SMYD3: variants seen among roughly 807,000 people sequenced by gnomAD.
SMYD3 encodes the protein SET and MYND domain containing 3.
SMYD3 carries 36 observed loss-of-function variants against 57.7 expected under a neutral mutation model. The observed-to-expected ratio is 0.62, with a 90% CI of 0.48 to 0.82. The LOEUF is 0.82. Ranked by LOEUF, SMYD3 falls within the 40% of genes least tolerant of loss-of-function variation. The pLI is 0.00. For synonymous variants in SMYD3, 211 were observed against 195.0 expected, an observed-to-expected ratio of 1.08 and a Z score of -0.68; for missense variants, 515 against 538.8, an observed-to-expected ratio of 0.96 and a Z score of 0.44.
chr1:246,345,916 C>A (rs1275759748), intron 2 of SMYD3, among the ~76,000 whole-genome samples: 1 of 152,160 alleles, frequency 6.6e-6, no homozygotes, highest in Non-Finnish European at 1.5e-5. Flanking sequence ...ACTAGCCAAT[C>A]CTAAACTGAG....
At chr1:246,007,557 C>G (rs904565024) in intron 5 of SMYD3, among the ~76,000 whole-genome samples, 3 of 151,980 alleles carry the variant, frequency 2.0e-5, no homozygotes, top group African/African-American at 7.3e-5. Context: ...CATCTGTAAT[C>G]CCAGTATTTC....
At chr1:246,313,491 A>C (rs2065112014) in intron 5 of SMYD3, among the ~76,000 whole-genome samples, 1 of 152,216 alleles carries the variant, frequency 6.6e-6, no homozygotes, top group Non-Finnish European at 1.5e-5. Context: ...GGATATTTTT[A>C]ATTCTGATCC....
chr1:246,323,091 G>C (rs138392034), intron 5 of SMYD3, among the ~76,000 whole-genome samples: 1 of 152,104 alleles, frequency 6.6e-6, no homozygotes, highest in African/African-American at 2.4e-5. Context: ...TGAAATTTAC[G>C]TCAGTTTCCA....
At chr1:245,915,367 C>T (rs1291352983) in intron 8 of SMYD3, among the ~76,000 whole-genome samples, 163 bp downstream of exon 8, 1 of 152,150 alleles carries the variant, frequency 6.6e-6, no homozygotes, top group Non-Finnish European at 1.5e-5. Flanking sequence ...ACAAAAGTTC[C>T]AGGAAACAAA....
At chr1:246,141,250 A>G (rs1035887306) in intron 5 of SMYD3, among the ~76,000 whole-genome samples, 1 of 152,154 alleles carries the variant, frequency 6.6e-6, no homozygotes, top group Non-Finnish European at 1.5e-5. Flanking sequence ...CTAACAACCC[A>G]TACTGAACTC....
chr1:246,144,120 C>G (rs922681265), intron 5 of SMYD3, among the ~76,000 whole-genome samples: 14 of 152,188 alleles, frequency 9.2e-5, no homozygotes, highest in African/African-American at 3.4e-4. Context: ...CGGACAGCCT[C>G]CCTGTCGAGC....
intron 5 of SMYD3, among the ~76,000 whole-genome samples, chr1:246,120,851 G>A (rs1222824734): frequency 6.6e-6 from 1 of 152,120 alleles, no homozygotes; most frequent in African/African-American, 2.4e-5. Flanking sequence ...ATCCAGAAGG[G>A]CAGGGAGCAC....
intron 1 of SMYD3, among the ~76,000 whole-genome samples, chr1:246,441,187 A>G (rs990872240): frequency 6.6e-6 from 1 of 152,212 alleles, no homozygotes; most frequent in Admixed American, 6.5e-5. Flanking sequence ...GAAGATCTCT[A>G]ATGAGTAATA....
intron 5 of SMYD3, among the ~76,000 whole-genome samples, chr1:246,018,199 CTT>C (rs1491092000): frequency 1.4e-4 from 22 of 152,310 alleles, no homozygotes; most frequent in Admixed American, 7.8e-4. Flanking sequence ...CTACACAGCT[CTT>C]TCTCTCTGTG....
chr1:246,229,402 T>C (rs972310169), intron 5 of SMYD3, among the ~76,000 whole-genome samples: 4 of 152,236 alleles, frequency 2.6e-5, no homozygotes, highest in South Asian at 2.1e-4. Flanking sequence ...CTACCTGCCA[T>C]TGAACAAAAT....
At chr1:245,882,616 C>T (rs553060611) in intron 8 of SMYD3, among the ~76,000 whole-genome samples, 3 of 152,048 alleles carry the variant, frequency 2.0e-5, no homozygotes, top group African/African-American at 7.3e-5. Context: ...TAAATAAATG[C>T]ACTAGTGTAC....
intron 10 of SMYD3, among the ~76,000 whole-genome samples, chr1:245,846,998 T>G (rs2050699192): frequency 6.6e-6 from 1 of 152,166 alleles, no homozygotes; most frequent in African/African-American, 2.4e-5. Flanking sequence ...CTGTCTCCAC[T>G]CCTCTCACTA....
At chr1:246,023,293 T>C (rs762763188) in intron 5 of SMYD3, among the ~76,000 whole-genome samples, 5 of 152,228 alleles carry the variant, frequency 3.3e-5, no homozygotes, top group African/African-American at 4.8e-5. Flanking sequence ...GGAATGTCTG[T>C]CTGTGCATAA....
intron 3 of SMYD3, among the ~76,000 whole-genome samples, chr1:246,332,132 G>GA (rs1203659190): frequency 6.6e-6 from 1 of 152,092 alleles, no homozygotes; most frequent in Admixed American, 6.5e-5. Context: ...TCAAAAGCTA[G>GA]AAAAATGAGT....
At chr1:245,872,616 A>C (rs1157509866) in intron 8 of SMYD3, among the ~76,000 whole-genome samples, 2 of 152,216 alleles carry the variant, frequency 1.3e-5, no homozygotes, top group Non-Finnish European at 2.9e-5. Flanking sequence ...GAGGAGAAGA[A>C]GTCATCAAAC....
At chr1:246,474,147 CT>C (rs1436722500) in intron 1 of SMYD3, among the ~76,000 whole-genome samples, 1 of 152,148 alleles carries the variant, frequency 6.6e-6, no homozygotes, top group Non-Finnish European at 1.5e-5. Flanking sequence ...GTGTTTTCAG[CT>C]TTTACCTAAA....
At chr1:245,882,823 A>G (rs1179149993) in intron 8 of SMYD3, among the ~76,000 whole-genome samples, 1 of 152,238 alleles carries the variant, frequency 6.6e-6, no homozygotes, top group African/African-American at 2.4e-5. Flanking sequence ...AGCATACTTC[A>G]CTGAAAGGCT....
rs183416801 is a variant in SMYD3, at chr1:246,277,483, C to A, written c.531+49718G>T. 1.9e-4 allele frequency among the ~76,000 whole-genome samples: 29 copies of A among 152,268 alleles called. No homozygotes were observed. The East Asian group carries it at 5.2e-3, about 27-fold the overall frequency. On this transcript the variant is annotated intron_variant, in intron 5 of 11. Transcript: ENST00000490107. ...ACACCACCACCACCACCACCAACAA[C>A]AACAACAAAAATGCTCTTATATGAC...
intron 10 of SMYD3, among the ~76,000 whole-genome samples, chr1:245,825,666 T>C (rs942924650): frequency 9.2e-5 from 14 of 152,226 alleles, no homozygotes; most frequent in African/African-American, 3.4e-4. Flanking sequence ...TCCATGAGTC[T>C]GGAAGCCCCT....
Sources: allele counts gnomAD v4.1 joint callset (sites outside exome capture counted in the v4.1 genomes callset), GRCh38; gene constraint gnomAD v4.1.1; transcripts MANE v1.5; gene names NCBI Gene and HGNC (gene_info 2026-07-23, HGNC 2026-07-21).